Variants in SLC24A3 observed in about 807,000 individuals in gnomAD.
SLC24A3 encodes sodium/potassium/calcium exchanger 3.
In SLC24A3, 28 loss-of-function variants were observed where a neutral mutation model predicts 75.8. That is an observed-to-expected ratio of 0.37 (90% CI 0.27 to 0.51). The LOEUF is 0.51. SLC24A3 is among the 20% of genes least tolerant of loss of function. SLC24A3 has a pLI of 0.94. For synonymous variants in SLC24A3, 372 were observed against 334.1 expected, an observed-to-expected ratio of 1.11 and a Z score of -1.24; for missense variants, 663 against 847.8, an observed-to-expected ratio of 0.78 and a Z score of 2.71.
rs530707178 is a variant in SLC24A3 at position 19,639,885 on chromosome 20, C to T, written c.613-14177C>T. On this transcript the variant is annotated intron_variant, in intron 6 of 16. Transcript: ENST00000328041. ...AGCCGCTGGCCCAGGTGCTAAGCCC[C>T]TCATTACCTGGGCCGGCAGGGCCGG... 3.9e-4 allele frequency among the ~76,000 whole-genome samples: 59 copies of T among 152,394 alleles called. No homozygotes were observed. The South Asian group carries it at 0.012, about 30-fold the overall frequency.
chr20:19,568,125 T>C lies in SLC24A3; in HGVS notation c.349-11875T>C, dbSNP rs1293469150. ...TATTAGGATGACTACTATCAAAATA[T>C]CAGAAAATAGCTGGTGTTGGCAAGG... On this transcript the variant is annotated intron_variant, in intron 3 of 16. Transcript: ENST00000328041. 2.0e-5 allele frequency among the ~76,000 whole-genome samples: 3 copies of C among 152,120 alleles called. 1 individual carries two copies. Among genetic ancestry groups the C allele is most frequent in the African/African-American group, 7.2e-5 (3 of 41,396 alleles).
At chr20:19,386,587 G>A (rs949104658) in intron 2 of SLC24A3, among the ~76,000 whole-genome samples, 11 of 152,024 alleles carry the variant, frequency 7.2e-5, no homozygotes, top group African/African-American at 2.7e-4. Flanking sequence ...AGGAAATTTT[G>A]CTCTATACCT....
chr20:19,285,285 C>G (rs1344254196), intron 2 of SLC24A3, among the ~76,000 whole-genome samples: 5 of 152,034 alleles, frequency 3.3e-5, no homozygotes, highest in African/African-American at 1.2e-4. Flanking sequence ...CGGGACCAGC[C>G]TGGGCAACAT....
intron 2 of SLC24A3, among the ~76,000 whole-genome samples, chr20:19,345,802 G>A (rs943935571): frequency 6.6e-6 from 1 of 151,822 alleles, no homozygotes; most frequent in African/African-American, 2.4e-5. Flanking sequence ...CGTTGGCGTG[G>A]ATGTAGTGAA....
intron 3 of SLC24A3, among the ~76,000 whole-genome samples, chr20:19,564,816 C>T (rs1179887386): frequency 6.6e-6 from 1 of 152,242 alleles, no homozygotes; most frequent in Admixed American, 6.5e-5. Flanking sequence ...TGTTCATCTT[C>T]TCAGATGTTA....
intron 2 of SLC24A3, chr20:19,283,290 T>G (rs1375409753): frequency 6.6e-6 from 1 of 152,572 alleles, no homozygotes; most frequent in Non-Finnish European, 1.5e-5. Flanking sequence ...TCATGAAGCT[T>G]GCTTGGACCA....
intron 3 of SLC24A3, among the ~76,000 whole-genome samples, chr20:19,548,943 T>G (rs1457147807): frequency 2.0e-5 from 3 of 152,222 alleles, no homozygotes. Context: ...TAGTTGCAGG[T>G]CAGGGCAGTA....
chr20:19,325,536 G>C (rs767578082), intron 2 of SLC24A3, among the ~76,000 whole-genome samples: 7 of 151,402 alleles, frequency 4.6e-5, no homozygotes, highest in Middle Eastern at 3.2e-3. Context: ...TCTCAGAAGC[G>C]ATGGTGGTTT....
intron 1 of SLC24A3, among the ~76,000 whole-genome samples, chr20:19,244,461 C>T (rs745787646): frequency 1.3e-5 from 2 of 152,014 alleles, no homozygotes; most frequent in Non-Finnish European, 2.9e-5. Flanking sequence ...TACATCAAGG[C>T]GAGGTGGAGG....
At position 19,488,563 on chromosome 20, in the gene SLC24A3, A is replaced by C. The variant is rs1042806464; in HGVS notation, c.272-26925A>C. ...ATGCTGGGACTCTCGACTCTCCATT[A>C]CTGTCACCACCAGGAAATGCTTCAG... On this transcript the variant is annotated intron_variant, in intron 2 of 16. Coordinates refer to ENST00000328041, the MANE Select transcript of SLC24A3 (RefSeq NM_020689.4). Among the ~76,000 whole-genome samples the C allele has an allele frequency of 2.6e-5, 4 of 152,316 alleles. No individual in the cohort carries two copies. In the South Asian group the frequency reaches 8.3e-4, roughly 32 times the overall value.
intron 1 of SLC24A3, among the ~76,000 whole-genome samples, chr20:19,237,667 G>A (rs560762571): frequency 2.0e-4 from 31 of 152,284 alleles, no homozygotes; most frequent in Admixed American, 8.5e-4. Flanking sequence ...GTCATTGAAT[G>A]GACAACAGCA....
At chr20:19,303,414 A>C (rs1397649227) in intron 2 of SLC24A3, among the ~76,000 whole-genome samples, 1 of 152,140 alleles carries the variant, frequency 6.6e-6, no homozygotes, top group Non-Finnish European at 1.5e-5. Context: ...TCTACCGTTG[A>C]TGGGCATTTA....
chr20:19,709,367 T>C (rs920820887), intron 15 of SLC24A3, among the ~76,000 whole-genome samples: 3 of 152,240 alleles, frequency 2.0e-5, no homozygotes, highest in East Asian at 1.9e-4. Flanking sequence ...TGAGTACTGC[T>C]GGCAGCTGCT....
intron 15 of SLC24A3, among the ~76,000 whole-genome samples, chr20:19,706,098 C>T (rs888674556): frequency 2.0e-5 from 3 of 152,064 alleles, no homozygotes; most frequent in African/African-American, 7.2e-5. Flanking sequence ...GGGTGTCTGT[C>T]TCTCTCTCTC....
intron 2 of SLC24A3, among the ~76,000 whole-genome samples, chr20:19,514,233 C>T (rs910811995): frequency 5.9e-5 from 9 of 152,200 alleles, no homozygotes; most frequent in African/African-American, 1.9e-4. Flanking sequence ...CCACTCACTC[C>T]TTAGCAGCAC....
chr20:19,580,672 C>A (rs2031206557), intron 4 of SLC24A3, among the ~76,000 whole-genome samples: 1 of 152,180 alleles, frequency 6.6e-6, no homozygotes. Context: ...TTCAGCAGAT[C>A]TAGAACTCTT....
At chr20:19,425,332 T>C (rs894149490) in intron 2 of SLC24A3, among the ~76,000 whole-genome samples, 2 of 152,006 alleles carry the variant, frequency 1.3e-5, no homozygotes, top group South Asian at 2.1e-4. Flanking sequence ...ACTGGGGACA[T>C]TGGCTCTTTT....
chr20:19,388,407 C>G (rs889302027), intron 2 of SLC24A3, among the ~76,000 whole-genome samples: 3 of 152,090 alleles, frequency 2.0e-5, no homozygotes, highest in African/African-American at 7.2e-5. Context: ...TCTATTTTGT[C>G]TGATATAAGT....
intron 11 of SLC24A3, among the ~76,000 whole-genome samples, chr20:19,684,590 T>C (rs147903838): frequency 6.6e-6 from 1 of 152,200 alleles, no homozygotes; most frequent in African/African-American, 2.4e-5. Context: ...TTCACCCACA[T>C]TTTTCTTCTA....
Sources: allele counts gnomAD v4.1 joint callset (sites outside exome capture counted in the v4.1 genomes callset), GRCh38; gene constraint gnomAD v4.1.1; transcripts MANE v1.5; gene names NCBI Gene and HGNC (gene_info 2026-07-23, HGNC 2026-07-21).